The following TASP1 variants were observed in gnomAD, a reference collection of about 807,000 sequenced individuals.
TASP1 encodes the protein threonine aspartase 1.
A neutral mutation model predicts 56.6 loss-of-function variants in TASP1; 16 were observed. That is an observed-to-expected ratio of 0.28 (90% CI 0.19 to 0.43). TASP1 has a LOEUF of 0.43. TASP1 is among the 20% of genes least tolerant of loss of function. TASP1 has a pLI of 1.00. For missense variants in TASP1, 393 were observed against 511.6 expected (o/e 0.77, Z 2.24); for synonymous variants, 179 against 184.2 (o/e 0.97, Z 0.23).
the TASP1 span, among the ~76,000 whole-genome samples, chr20:13,241,248 A>G: frequency 2.0e-5 from 3 of 152,138 alleles, no homozygotes; most frequent in Admixed American, 2.0e-4. Context: ...GAACAAATGG[A>G]AGGTGAGGAA....
chr20:13,159,156 T>C, the TASP1 span, among the ~76,000 whole-genome samples: 1 of 152,200 alleles, frequency 6.6e-6, no homozygotes, highest in Non-Finnish European at 1.5e-5. Context: ...GTTACAGAGA[T>C]TAGCTCTGGA....
At chr20:13,130,900 C>T in the TASP1 span, among the ~76,000 whole-genome samples, 6 of 152,306 alleles carry the variant, frequency 3.9e-5, no homozygotes, top group East Asian at 7.7e-4. Flanking sequence ...CTCTTGCCAG[C>T]CTGCTCCATT....
At chr20:13,374,479 A>G in the TASP1 span, among the ~76,000 whole-genome samples, 2 of 151,680 alleles carry the variant, frequency 1.3e-5, no homozygotes, top group Non-Finnish European at 2.9e-5. Context: ...CTCCCGAGTA[A>G]CTGGGACTAC....
chr20:13,420,634 T>C (rs1266300862), intron 12 of TASP1, among the ~76,000 whole-genome samples: 1 of 152,224 alleles, frequency 6.6e-6, no homozygotes, highest in Non-Finnish European at 1.5e-5. Context: ...GCAAGTTAAT[T>C]TAACAAATTA....
chr20:13,334,504 T>C, the TASP1 span, among the ~76,000 whole-genome samples: 2 of 152,246 alleles, frequency 1.3e-5, no homozygotes, highest in Non-Finnish European at 2.9e-5. Flanking sequence ...ATGACTCTAG[T>C]AGCATCTACA....
the TASP1 span, among the ~76,000 whole-genome samples, chr20:13,219,140 C>A: frequency 6.6e-6 from 1 of 152,142 alleles, no homozygotes; most frequent in Non-Finnish European, 1.5e-5. Flanking sequence ...CAGGACACAG[C>A]GGCCCCTGGA....
the TASP1 span, among the ~76,000 whole-genome samples, chr20:13,142,906 G>A: frequency 6.6e-6 from 1 of 151,182 alleles, no homozygotes; most frequent in Non-Finnish European, 1.5e-5. Context: ...CAAATACCCC[G>A]CCTCTCTCTC....
the TASP1 span, among the ~76,000 whole-genome samples, chr20:13,371,064 C>T: frequency 1.3e-5 from 2 of 151,910 alleles, no homozygotes; most frequent in Non-Finnish European, 2.9e-5. Context: ...TCTCTTTTTT[C>T]TTGGCCGTTC....
At chr20:13,471,092 A>G (rs543640991) in intron 11 of TASP1, among the ~76,000 whole-genome samples, 2 of 152,340 alleles carry the variant, frequency 1.3e-5, no homozygotes, top group South Asian at 4.1e-4. Flanking sequence ...TAAGGGAGAC[A>G]AACAATAATA....
chr20:13,438,276 A>G (rs1340168264), intron 11 of TASP1, among the ~76,000 whole-genome samples: 1 of 152,230 alleles, frequency 6.6e-6, no homozygotes, highest in South Asian at 2.1e-4. Flanking sequence ...TACAGTAATC[A>G]AAACAGCATG....
At chr20:13,483,389 G>A in intron 10 of TASP1, 52 bp from the exon 11 acceptor site, 2 of 1,284,228 alleles carry the variant, frequency 1.6e-6, no homozygotes, top group East Asian at 2.6e-5. Context: ...CGAACACCCT[G>A]CTTATTTCAA....
intron 12 of TASP1, among the ~76,000 whole-genome samples, chr20:13,419,752 A>C (rs1389352973): frequency 6.6e-6 from 1 of 152,184 alleles, no homozygotes; most frequent in East Asian, 1.9e-4. Context: ...AGAGGCAGTA[A>C]GGGGCAAAAT....
At chr20:13,164,130 T>C in the TASP1 span, among the ~76,000 whole-genome samples, 1 of 152,258 alleles carries the variant, frequency 6.6e-6, no homozygotes, top group East Asian at 1.9e-4. Context: ...AAATGACCTT[T>C]TTTTACTTCC....
intron 4 of TASP1, among the ~76,000 whole-genome samples, chr20:13,614,024 C>T (rs984593702): frequency 6.6e-6 from 1 of 152,148 alleles, no homozygotes; most frequent in African/African-American, 2.4e-5. Flanking sequence ...GACATATTTA[C>T]AGATGCACTG....
At chr20:13,586,168 C>G (rs1000633726) in intron 5 of TASP1, among the ~76,000 whole-genome samples, 3 of 110,356 alleles carry the variant, frequency 2.7e-5, no homozygotes. Flanking sequence ...GAATGAGACT[C>G]CATCTCAAAA....
chr20:13,377,606 T>G, the TASP1 span, among the ~76,000 whole-genome samples: 1 of 152,102 alleles, frequency 6.6e-6, no homozygotes, highest in African/African-American at 2.4e-5. Flanking sequence ...TTAGGGAGGA[T>G]TCCCTCTTTT....
At chr20:13,382,117 C>G in the TASP1 span, among the ~76,000 whole-genome samples, 6 of 152,150 alleles carry the variant, frequency 3.9e-5, no homozygotes, top group Non-Finnish European at 7.3e-5. Flanking sequence ...TGGCCACACT[C>G]AACCAGAGTG....
intron 13 of TASP1, among the ~76,000 whole-genome samples, chr20:13,402,085 A>C (rs1347131148): frequency 6.6e-6 from 1 of 152,222 alleles, no homozygotes; most frequent in Non-Finnish European, 1.5e-5. Context: ...ATCTTTGCAA[A>C]GATCTTACCC....
rs374318892 is a variant in TASP1 at position 13,586,407 on chromosome 20, A to T, written c.403+843T>A. On this transcript the variant is annotated intron_variant, in intron 5 of 13. Transcript: ENST00000337743. Reference sequence around the variant, plus strand: ...GATCCATCTCACAGGCATAACATTAAGCAAAAGAAAACAGACACAGAAGTG... The same window carrying T: ...GATCCATCTCACAGGCATAACATTATGCAAAAGAAAACAGACACAGAAGTG... 2.6e-5 allele frequency among the ~76,000 whole-genome samples: 4 copies of T among 152,282 alleles called. No individual in the cohort carries two copies. The East Asian group carries it at 7.7e-4, about 29-fold the overall frequency.
Sources: allele counts gnomAD v4.1 joint callset (sites outside exome capture counted in the v4.1 genomes callset), GRCh38; gene constraint gnomAD v4.1.1; transcripts MANE v1.5; gene names NCBI Gene and HGNC (gene_info 2026-07-23, HGNC 2026-07-21).